The following BTRC variants were observed in gnomAD, a reference collection of about 807,000 sequenced individuals.
BTRC encodes the protein F-box/WD repeat-containing protein 1A.
Under a neutral mutation model 85.5 loss-of-function variants are expected in BTRC, and 42 were observed. The ratio of observed to expected loss-of-function variants is 0.49; its 90% CI spans 0.38 to 0.64. BTRC has a LOEUF of 0.64. Ranked by LOEUF, BTRC falls within the 30% of genes least tolerant of loss-of-function variation. The probability of loss-of-function intolerance (pLI) is 0.00; values close to 1 mark genes in which losing one functional copy is unlikely to be tolerated. For synonymous variants in BTRC, 255 were observed against 263.3 expected, an observed-to-expected ratio of 0.97 and a Z score of 0.30; for missense variants, 594 against 743.5, an observed-to-expected ratio of 0.80 and a Z score of 2.34.
chr10:101,501,647 T>C (rs1466481021), intron 4 of BTRC, among the ~76,000 whole-genome samples: 1 of 152,180 alleles, frequency 6.6e-6, no homozygotes, highest in African/African-American at 2.4e-5. Flanking sequence ...TTATTAGTAC[T>C]CTTGAGCCTC....
intron 1 of BTRC, among the ~76,000 whole-genome samples, chr10:101,393,291 T>C (rs1381143403): frequency 1.3e-5 from 2 of 152,258 alleles, no homozygotes; most frequent in African/African-American, 2.4e-5. Context: ...CCAGCAGATA[T>C]AAGTAAGTGT....
chr10:101,527,064 A>G (rs894457009), intron 6 of BTRC, among the ~76,000 whole-genome samples: 1 of 152,216 alleles, frequency 6.6e-6, no homozygotes, highest in Non-Finnish European at 1.5e-5. Flanking sequence ...CTACGTAGTA[A>G]TAGTTCACAA....
Position 101,409,425 on chromosome 10 carries a change from T to G in BTRC, c.49-20920T>G, listed in dbSNP as rs1943716597. Among the ~76,000 whole-genome samples the G allele has an allele frequency of 2.0e-5, 3 of 152,346 alleles. No homozygotes were observed. In the South Asian group the frequency reaches 6.2e-4, roughly 32 times the overall value. ...AGTTTATTTTTATGGCTGAATAATATTCCATTGTATGTACATACAGTCATG... is the reference window on the plus strand; with the variant it reads ...AGTTTATTTTTATGGCTGAATAATAGTCCATTGTATGTACATACAGTCATG... On this transcript the variant is annotated intron_variant, in intron 1 of 14. Coordinates refer to ENST00000370187, the MANE Select transcript of BTRC (RefSeq NM_033637.4).
In BTRC at chr10:101,534,824, G is replaced by C; in HGVS notation, c.1261G>C (p.Val421Leu). The change falls in exon 10 of 15, where the codon GTG becomes CTG. Residue 421 changes from valine to leucine, a missense_variant. Coordinates refer to ENST00000370187, the MANE Select transcript of BTRC (RefSeq NM_033637.4). The part of the protein sequence containing the change: ...ASPTDITLRR[V>L]LVGHRAAVNV... ...CCCAACTGACATTACCCTCCGGAGG[G>C]TGCTGGTCGGACACCGAGCTGCTGT... 1 of 1,614,154 alleles carries C rather than the reference G, an allele frequency of 6.2e-7. No individual in the cohort carries two copies. Among genetic ancestry groups the C allele is most frequent in the South Asian group, 1.1e-5 (1 of 91,082 alleles).
chr10:101,455,624 G>A (rs1326040048), intron 2 of BTRC, among the ~76,000 whole-genome samples: 1 of 152,146 alleles, frequency 6.6e-6, no homozygotes, highest in Non-Finnish European at 1.5e-5. Flanking sequence ...TGGGAAAGAA[G>A]CCTGTTACAT....
intron 2 of BTRC, among the ~76,000 whole-genome samples, chr10:101,452,382 C>G (rs1347495942): frequency 6.6e-6 from 1 of 152,178 alleles, no homozygotes; most frequent in Non-Finnish European, 1.5e-5. Context: ...GCAGCTATAA[C>G]CAACCTATCC....
rs1564827292 is a variant in BTRC at position 101,527,789 on chromosome 10, C to CA, written c.743+1590_743+1591insA. Among the ~76,000 whole-genome samples the CA allele has an allele frequency of 5.9e-4, 82 of 139,174 alleles. 1 individual carries two copies. Among genetic ancestry groups the CA allele is most frequent in the Admixed American group, 1.0e-3 (14 of 13,816 alleles). The allele number at this position is 139,174 out of a possible 152,430, so 91.3% of individuals were successfully genotyped here. On this transcript the variant is annotated intron_variant, in intron 6 of 14. Coordinates refer to ENST00000370187, the MANE Select transcript of BTRC (RefSeq NM_033637.4). Reference sequence around the variant, plus strand: ...TCTCTCTCTCTCTCTCTCTCTCTCTCTCACATACACACACACACACACACA... The same window carrying CA: ...TCTCTCTCTCTCTCTCTCTCTCTCTCATCACATACACACACACACACACACA...
intron 1 of BTRC, among the ~76,000 whole-genome samples, chr10:101,387,710 G>A (rs34599944): frequency 6.7e-6 from 1 of 149,690 alleles, no homozygotes; most frequent in African/African-American, 2.5e-5. Flanking sequence ...TTTTTCTTGA[G>A]ACGGAGTCTT....
intron 1 of BTRC, among the ~76,000 whole-genome samples, chr10:101,362,715 T>G (rs1837180371): frequency 1.3e-5 from 2 of 152,160 alleles, no homozygotes; most frequent in South Asian, 4.1e-4. Flanking sequence ...TTTTGTGTTT[T>G]GTTAATACAG....
chr10:101,408,329 CAG>C (rs1363335833), intron 1 of BTRC, among the ~76,000 whole-genome samples: 2 of 151,830 alleles, frequency 1.3e-5, no homozygotes, highest in Non-Finnish European at 2.9e-5. Flanking sequence ...TTTTCTGAGA[CAG>C]GGTCTCACTC....
intron 13 of BTRC, among the ~76,000 whole-genome samples, chr10:101,547,783 A>G (rs1385148828): frequency 1.3e-5 from 2 of 152,236 alleles, no homozygotes; most frequent in African/African-American, 4.8e-5. Flanking sequence ...AAATCCAACA[A>G]TGTATGAAAA....
chr10:101,387,726 G>A (rs962165989), intron 1 of BTRC, among the ~76,000 whole-genome samples: 7 of 150,524 alleles, frequency 4.7e-5, no homozygotes, highest in Non-Finnish European at 8.9e-5. Flanking sequence ...GTCTTGCTCT[G>A]TCGCCCAGGC....
intron 4 of BTRC, among the ~76,000 whole-genome samples, chr10:101,481,962 A>T (rs1031228466): frequency 2.0e-5 from 3 of 152,048 alleles, no homozygotes; most frequent in African/African-American, 7.3e-5. Context: ...TAGCTGAAAA[A>T]TTTTCTTTCT....
At chr10:101,402,229 A>G (rs2134003026) in intron 1 of BTRC, among the ~76,000 whole-genome samples, 1 of 152,296 alleles carries the variant, frequency 6.6e-6, no homozygotes, top group Non-Finnish European at 1.5e-5. Flanking sequence ...TATTATTTAC[A>G]CAATTCACTG....
At chr10:101,379,148 T>G (rs893762706) in intron 1 of BTRC, among the ~76,000 whole-genome samples, 1 of 152,224 alleles carries the variant, frequency 6.6e-6, no homozygotes, top group Non-Finnish European at 1.5e-5. Flanking sequence ...GACATGGCAT[T>G]TTGAAAATCA....
intron 4 of BTRC, among the ~76,000 whole-genome samples, chr10:101,516,266 C>A (rs1272199620): frequency 2.0e-5 from 3 of 151,996 alleles, no homozygotes; most frequent in Admixed American, 1.3e-4. Flanking sequence ...TTGTTCCTTA[C>A]AAAAACCCAA....
chr10:101,504,546 T>G (rs1946470519), intron 4 of BTRC, among the ~76,000 whole-genome samples: 1 of 151,962 alleles, frequency 6.6e-6, no homozygotes, highest in African/African-American at 2.4e-5. Context: ...CCAACCCCAC[T>G]GCCTAGTATC....
At position 101,533,047 on chromosome 10, in the gene BTRC, A is replaced by C; in HGVS notation, c.1074A>C (p.Thr358=). The change falls in exon 9 of 15, where the codon ACA becomes ACC. Residue 358 remains threonine (T), a synonymous_variant. Coordinates refer to ENST00000370187, the MANE Select transcript of BTRC (RefSeq NM_033637.4). ...CLQYDERVII[T]GSSDSTVRVW... ...AGTATGATGAGAGAGTGATCATAAC[A>C]GGATCATCGGATTCCACGGTCAGGT... The C allele has an allele frequency of 6.2e-7, 1 of 1,611,924 alleles. No individual in the cohort carries two copies. The highest frequency in any genetic ancestry group is 1.7e-4 in the Middle Eastern group (1 of 6,054).
chr10:101,356,217 G>A (rs1942030253), intron 1 of BTRC, among the ~76,000 whole-genome samples: 1 of 152,122 alleles, frequency 6.6e-6, no homozygotes, highest in Non-Finnish European at 1.5e-5. Flanking sequence ...GGCCAGGATG[G>A]TCTCATCTCC....
Sources: gnomAD v4.1 joint callset for allele counts (sites outside exome capture counted in the v4.1 genomes callset) on GRCh38, gnomAD v4.1.1 for gene constraint, MANE v1.5 for transcripts, NCBI Gene and HGNC (gene_info 2026-07-23, HGNC 2026-07-21) for gene names.